The following CACNA1A variants were observed in gnomAD, a reference collection of about 807,000 sequenced individuals.
CACNA1A encodes calcium voltage-gated channel subunit alpha1 A, also known as voltage-dependent P/Q-type calcium channel subunit alpha-1A.
Under a neutral mutation model 262.4 loss-of-function variants are expected in CACNA1A, and 57 were observed. That is an observed-to-expected ratio of 0.22 (90% CI 0.18 to 0.27). The LOEUF (loss-of-function observed/expected upper bound fraction) is 0.27, where lower values mean the gene tolerates loss of function less well. CACNA1A is among the 10% of genes least tolerant of loss of function. CACNA1A has a pLI of 1.00. For missense variants in CACNA1A, 2,526 were observed against 3,562.8 expected (o/e 0.71, Z 7.41); for synonymous variants, 1,431 against 1,419.3 (o/e 1.01, Z -0.18).
At position 13,309,390 on chromosome 19, in the gene CACNA1A, C is replaced by T. The variant is rs186874386; in HGVS notation, c.1669-862G>A. Among the ~76,000 whole-genome samples, 60 of 152,092 alleles carry T rather than the reference C, an allele frequency of 3.9e-4. 1 individual carries two copies. Among genetic ancestry groups the T allele is most frequent in the East Asian group, 3.7e-3 (19 of 5,168 alleles). ...CAAAGTGAATGTCATGCAACTACTA[C>T]CTATGTCAACAATTAGGAGAAGGCT... On this transcript the variant is annotated intron_variant, in intron 12 of 46. Coordinates refer to ENST00000360228, the MANE Select transcript of CACNA1A (RefSeq NM_001127222.2).
At chr19:13,277,354 ATCCT>A in intron 22 of CACNA1A, 4 of 466,074 alleles carry the variant, frequency 8.6e-6, no homozygotes, top group Non-Finnish European at 1.2e-5. Context: ...ATGGCAGCAA[ATCCT>A]AACAAAAAAA....
intron 1 of CACNA1A, among the ~76,000 whole-genome samples, chr19:13,472,730 C>G (rs752025432): frequency 3.9e-5 from 6 of 152,190 alleles, no homozygotes; most frequent in Non-Finnish European, 7.3e-5. Context: ...CGCAAAGGGC[C>G]TGTAGTAGGT....
Position 13,241,372 on chromosome 19 carries a change from GGACA to G in CACNA1A, c.4950+3806_4950+3809del, listed in dbSNP as rs1380591516. 2.9e-5 allele frequency: 20 copies of G among 698,102 alleles called. No individual in the cohort carries two copies. The highest frequency in any genetic ancestry group is 4.2e-5 in the Non-Finnish European group (16 of 382,836). 43.2% of individuals were successfully genotyped at this position (698,102 alleles called of 1,614,324 possible). A position where few individuals can be genotyped will look rare whatever the true frequency, so the allele number is the denominator to read the frequency against. Reference sequence around the variant, plus strand: ...GGAGGCACAGGGGCTGGGGGCGGGAGGACAGACAGACAGAGGAGAGCGGAGGGTT... The same window carrying G: ...GGAGGCACAGGGGCTGGGGGCGGGAGGACAGACAGAGGAGAGCGGAGGGTT... On this transcript the variant is annotated intron_variant, in intron 31 of 46. Transcript: ENST00000360228. This position sits in a 1 kb window ranked among gnomAD's most constrained non-coding sequence, Gnocchi z 4.0.
intron 1 of CACNA1A, among the ~76,000 whole-genome samples, chr19:13,496,899 T>C (rs1981599146): frequency 6.6e-6 from 1 of 152,146 alleles, no homozygotes; most frequent in African/African-American, 2.4e-5. Flanking sequence ...TCCTCCCAGA[T>C]AGGAGCTATT....
Position 13,464,426 on chromosome 19 carries a change from T to A in CACNA1A, c.294-9214A>T, listed in dbSNP as rs566602480. ...AAAATAAATAAATACATACATTTTTTTAAAAAAGAAAACTTAATATGCTTA... is the reference window on the plus strand; with the variant it reads ...AAAATAAATAAATACATACATTTTTATAAAAAAGAAAACTTAATATGCTTA... On this transcript the variant is annotated intron_variant, in intron 1 of 46. Transcript: ENST00000360228. 2.0e-5 allele frequency among the ~76,000 whole-genome samples: 3 copies of A among 152,208 alleles called. No homozygotes were observed. In the South Asian group the frequency reaches 6.2e-4, roughly 32 times the overall value.
chr19:13,302,650 G>T lies in CACNA1A; in HGVS notation c.2172+896C>A, dbSNP rs1017292424. On this transcript the variant is annotated intron_variant, in intron 17 of 46. Transcript: ENST00000360228. ...GCTACCCTCCTGCACCAGCCCCTAA[G>T]GATGGACTCTTGGAACTTGGATGAG... Among the ~76,000 whole-genome samples the T allele has an allele frequency of 2.0e-5, 3 of 152,206 alleles. No individual in the cohort carries two copies. In the East Asian group the frequency reaches 5.8e-4, roughly 29 times the overall value.
intron 3 of CACNA1A, among the ~76,000 whole-genome samples, chr19:13,374,525 T>C (rs574786759): frequency 2.3e-4 from 35 of 152,212 alleles, no homozygotes; most frequent in African/African-American, 8.4e-4. Flanking sequence ...GCTGGGATTA[T>C]AGGTATGAGC....
chr19:13,384,747 T>A (rs2059580803), intron 3 of CACNA1A, among the ~76,000 whole-genome samples: 1 of 151,936 alleles, frequency 6.6e-6, no homozygotes, highest in Non-Finnish European at 1.5e-5. Flanking sequence ...CACACAGAAA[T>A]AAAGTATTTT....
chr19:13,341,712 C>T (rs1310734486), intron 6 of CACNA1A, among the ~76,000 whole-genome samples: 1 of 152,216 alleles, frequency 6.6e-6, no homozygotes, highest in Admixed American at 6.5e-5. Context: ...GGGAGGCCTC[C>T]CCTGATGGCC....
intron 1 of CACNA1A, among the ~76,000 whole-genome samples, chr19:13,487,493 G>A (rs1980160897): frequency 6.6e-6 from 1 of 152,136 alleles, no homozygotes. Flanking sequence ...GGCTGGGGGA[G>A]CGGGGAGAGA....
chr19:13,401,957 A>T (rs141346686), intron 3 of CACNA1A, among the ~76,000 whole-genome samples: 13 of 152,326 alleles, frequency 8.5e-5, no homozygotes, highest in Non-Finnish European at 1.3e-4. Flanking sequence ...AATTACAGGC[A>T]TAAGCCACCA....
At chr19:13,366,965 G>A (rs1024213057) in intron 4 of CACNA1A, among the ~76,000 whole-genome samples, 1 of 152,132 alleles carries the variant, frequency 6.6e-6, no homozygotes, top group Non-Finnish European at 1.5e-5. Flanking sequence ...GGCTAACAGA[G>A]ATGCTGTGAT....
chr19:13,291,416 C>T (rs1196791937), intron 19 of CACNA1A, among the ~76,000 whole-genome samples: 1 of 151,722 alleles, frequency 6.6e-6, no homozygotes, highest in African/African-American at 2.4e-5. Context: ...CCCCATTTCA[C>T]ACAGGAGGAG....
chr19:13,263,440 AT>A, intron 24 of CACNA1A: 1 of 153,570 alleles, frequency 6.5e-6, no homozygotes, highest in South Asian at 2.0e-4. Context: ...AAGTGCTGGG[AT>A]TACAGGTGTG....
intron 10 of CACNA1A, among the ~76,000 whole-genome samples, chr19:13,329,342 C>T (rs1261160926): frequency 6.6e-6 from 1 of 152,162 alleles, no homozygotes; most frequent in Non-Finnish European, 1.5e-5. Flanking sequence ...CCTGACTGCT[C>T]CCCATCCTTC....
chr19:13,459,365 C>T (rs534766250), intron 1 of CACNA1A, among the ~76,000 whole-genome samples: 1 of 152,154 alleles, frequency 6.6e-6, no homozygotes, highest in Non-Finnish European at 1.5e-5. Flanking sequence ...GTAAAAGTCT[C>T]GGAAAGCCAG....
chr19:13,283,235 G>A lies in CACNA1A; in HGVS notation c.3822+32C>T. Reference sequence around the variant, plus strand: ...AAAGTGGCCTGAGGCAGAGCAGCCAGGCTAGGAAGGGGTGTGCTCTGTGGG... The same window carrying A: ...AAAGTGGCCTGAGGCAGAGCAGCCAAGCTAGGAAGGGGTGTGCTCTGTGGG... On this transcript the variant is annotated intron_variant, in intron 22 of 46. Coordinates refer to ENST00000360228, the MANE Select transcript of CACNA1A (RefSeq NM_001127222.2). 4 of 1,607,188 alleles carry A rather than the reference G, an allele frequency of 2.5e-6. No homozygotes were observed. In the South Asian group the frequency reaches 3.3e-5, roughly 13 times the overall value.
At chr19:13,462,326 T>C (rs532406918) in intron 1 of CACNA1A, among the ~76,000 whole-genome samples, 1 of 152,266 alleles carries the variant, frequency 6.6e-6, no homozygotes, top group African/African-American at 2.4e-5. Flanking sequence ...GCCAGGTCAT[T>C]GAGCTTGTGT....
chr19:13,490,861 A>T (rs1980773386), intron 1 of CACNA1A, among the ~76,000 whole-genome samples: 1 of 144,680 alleles, frequency 6.9e-6, no homozygotes, highest in Non-Finnish European at 1.5e-5. Context: ...GGGAAAGAGA[A>T]AGGAAAGGAA....
Sources: allele counts gnomAD v4.1 joint callset (sites outside exome capture counted in the v4.1 genomes callset), GRCh38; gene constraint gnomAD v4.1.1; non-coding constraint Gnocchi (gnomAD v3.1); transcripts MANE v1.5; gene names NCBI Gene and HGNC (gene_info 2026-07-23, HGNC 2026-07-21).